E2F7: variants seen among roughly 807,000 people sequenced by gnomAD.
The protein encoded by E2F7 is transcription factor E2F7.
E2F7 carries 35 observed loss-of-function variants against 81.1 expected under a neutral mutation model. That is an observed-to-expected ratio of 0.43 (90% CI 0.33 to 0.57). The LOEUF is 0.57. E2F7 is among the 20% of genes least tolerant of loss of function. E2F7 has a pLI of 0.04. For synonymous variants in E2F7, 416 were observed against 416.2 expected, an observed-to-expected ratio of 1.00 and a Z score of 0.01; for missense variants, 961 against 1,093.7, an observed-to-expected ratio of 0.88 and a Z score of 1.71.
chr12:77,043,054 C>T lies in E2F7; in HGVS notation c.1123+11G>A, dbSNP rs371536575. On this transcript the variant is annotated intron_variant, in intron 7 of 12. Transcript: ENST00000322886. Reference sequence around the variant, plus strand: ...ATAAAACAGCCTGCTAGCAAAACCACGCCACCTTACCACTTGAGCTGAAGT... The same window carrying T: ...ATAAAACAGCCTGCTAGCAAAACCATGCCACCTTACCACTTGAGCTGAAGT... The T allele has an allele frequency of 1.6e-5, 26 of 1,613,824 alleles. No homozygotes were observed. The highest frequency in any genetic ancestry group is 3.3e-4 in the Middle Eastern group (2 of 6,080).
intron 7 of E2F7, among the ~76,000 whole-genome samples, chr12:77,034,442 T>C (rs1197129495): frequency 6.6e-6 from 1 of 152,208 alleles, no homozygotes; most frequent in Non-Finnish European, 1.5e-5. Context: ...TCAAGATTAA[T>C]TGAGATCAGC....
chr12:77,045,356 C>T (rs1954931243), intron 5 of E2F7, among the ~76,000 whole-genome samples: 2 of 152,194 alleles, frequency 1.3e-5, no homozygotes, highest in South Asian at 4.1e-4. Flanking sequence ...CCATCCCCAA[C>T]AGATGGCTGT....
chr12:77,054,104 G>T (rs1450651119), intron 3 of E2F7, among the ~76,000 whole-genome samples: 1 of 152,028 alleles, frequency 6.6e-6, no homozygotes, highest in African/African-American at 2.4e-5. Flanking sequence ...GGTGAGAATT[G>T]AAAAACTACC....
rs374359019 is a variant in E2F7 at position 77,049,988 on chromosome 12, CA to C, written c.538+587del. ...GTCTCTATTCTGAAGCAGGTGTATA[CA>C]TATTTCCAGCACACACACCCATCTC... On this transcript the variant is annotated intron_variant, in intron 4 of 12. Transcript: ENST00000322886. Among the ~76,000 whole-genome samples, 962 of 152,270 alleles carry C rather than the reference CA, an allele frequency of 6.3e-3. 19 individuals are homozygous for C. Among genetic ancestry groups the C allele is most frequent in the African/African-American group, 0.022 (897 of 41,538 alleles).
chr12:77,054,222 TAA>T (rs994930446), intron 3 of E2F7, among the ~76,000 whole-genome samples: 3 of 151,152 alleles, frequency 2.0e-5, no homozygotes, highest in African/African-American at 7.3e-5. Flanking sequence ...CCACTGAACT[TAA>T]AAGTTAGAAA....
chr12:77,046,053 G>A lies in E2F7; in HGVS notation c.814C>T (p.Pro272Ser), dbSNP rs781765077. The A allele has an allele frequency of 3.1e-6, 5 of 1,614,000 alleles. No individual in the cohort carries two copies. The African/African-American group carries it at 4.0e-5, about 13-fold the overall frequency. Residue 272 changes from proline to serine, a missense_variant, in exon 5 of 13, where the codon CCC (proline) becomes TCC (serine). Pro to Ser is a moderately conservative substitution (Grantham distance 74, BLOSUM62 -1). Around this residue, in one of 3 missense-constraint regions of E2F7, gnomAD observed 301 missense variants for 405.0 expected, o/e 0.74. Coordinates refer to ENST00000322886, the MANE Select transcript of E2F7 (RefSeq NM_203394.3). ...QEQQLLDFSE[P>S]DCPSSSANSR... The stretch of plus-strand genomic sequence containing the variant: ...ATGGACTCACAAGAGGGACAGTCGG[G>A]TTCAGAGAAATCCAGTAACTGTTGT...
At chr12:77,044,262 T>A (rs1954919999) in intron 6 of E2F7, 1 of 459,050 alleles carries the variant, frequency 2.2e-6, no homozygotes, top group Non-Finnish European at 4.4e-6. Context: ...ACAATTTTCA[T>A]CTCCACCCTT....
Position 77,030,217 on chromosome 12 carries a change from G to C in E2F7, c.1498C>G (p.Pro500Ala), listed in dbSNP as rs931695155. Residue 500 changes from proline (P) to alanine (A), a missense_variant, in exon 10 of 13, where the codon CCA (proline) becomes GCA (alanine). Coordinates refer to ENST00000322886, the MANE Select transcript of E2F7 (RefSeq NM_203394.3). ...TCCGTCTGAGCAACAGAAAATACTG[G>C]GTGGGCTAAAGGATTAACACAATAT... ...PEYCVNPLAH[P>A]VFSVAQTDLQ... is the part of the protein sequence containing the mutation. 1.2e-6 allele frequency: 2 copies of C among 1,614,118 alleles called. No homozygotes were observed. The highest frequency in any genetic ancestry group is 1.3e-5 in the African/African-American group (1 of 75,044).
intron 9 of E2F7, among the ~76,000 whole-genome samples, chr12:77,032,033 T>C (rs1042040295): frequency 2.0e-5 from 3 of 152,228 alleles, no homozygotes; most frequent in African/African-American, 4.8e-5. Flanking sequence ...TAGCGAGCCC[T>C]GCCAACTCAC....
chr12:77,035,491 T>A (rs1391860380), intron 7 of E2F7, among the ~76,000 whole-genome samples: 2 of 152,142 alleles, frequency 1.3e-5, no homozygotes, highest in Non-Finnish European at 2.9e-5. Context: ...GTTAGTGTAC[T>A]AAAAAGGGTG....
chr12:77,044,493 G>A (rs977595325), intron 6 of E2F7, 144 bp downstream of exon 6: 38 of 1,036,966 alleles, frequency 3.7e-5, no homozygotes, highest in Middle Eastern at 2.3e-4. Context: ...ACCTCTCACA[G>A]CACCAAAAAC....
chr12:77,040,491 A>G (rs935559697), intron 7 of E2F7, among the ~76,000 whole-genome samples: 2 of 152,242 alleles, frequency 1.3e-5, no homozygotes, highest in African/African-American at 4.8e-5. Flanking sequence ...GCTGTGCATG[A>G]CCACAACTGA....
At chr12:77,063,858 T>A (rs773641753) in intron 2 of E2F7, among the ~76,000 whole-genome samples, 8 of 152,216 alleles carry the variant, frequency 5.3e-5, no homozygotes, top group Non-Finnish European at 1.2e-4. Flanking sequence ...ATTCAAAGTT[T>A]CTAAAACTTG....
intron 3 of E2F7, among the ~76,000 whole-genome samples, chr12:77,055,417 A>G (rs1366126169): frequency 1.3e-5 from 2 of 151,802 alleles, no homozygotes; most frequent in African/African-American, 4.8e-5. Context: ...GGTTCCCCAC[A>G]GAACAGGTAA....
At chr12:77,044,846 A>T (rs1210155687) in intron 5 of E2F7, 51 bp from the exon 6 acceptor site, 1 of 1,588,956 alleles carries the variant, frequency 6.3e-7, no homozygotes, top group South Asian at 1.2e-5. Context: ...TTCTACAAGA[A>T]AGACTATACT....
At chr12:77,054,271 C>T (rs1955013335) in intron 3 of E2F7, among the ~76,000 whole-genome samples, 1 of 151,502 alleles carries the variant, frequency 6.6e-6, no homozygotes, top group Non-Finnish European at 1.5e-5. Flanking sequence ...TGACTTTGAT[C>T]TAATAAATCA....
chr12:77,037,440 C>CA (rs939248266), intron 7 of E2F7, among the ~76,000 whole-genome samples: 3 of 151,868 alleles, frequency 2.0e-5, no homozygotes, highest in Non-Finnish European at 4.4e-5. Flanking sequence ...AAAAAACAAA[C>CA]AAAAAAACCC....
At chr12:77,064,405 AAAG>A (rs1955101540) in intron 2 of E2F7, 135 bp downstream of exon 2, 4 of 731,870 alleles carry the variant, frequency 5.5e-6, no homozygotes, top group Non-Finnish European at 8.7e-6. Flanking sequence ...TATTTTTAAA[AAAG>A]AATGTTTCTA....
intron 4 of E2F7, among the ~76,000 whole-genome samples, chr12:77,048,820 C>A (rs1027642116): frequency 1.3e-5 from 2 of 152,258 alleles, no homozygotes; most frequent in Middle Eastern, 6.8e-3. Context: ...AGTAGGAGTC[C>A]ACTTTTCTGT....
Sources: allele counts gnomAD v4.1 joint callset (sites outside exome capture counted in the v4.1 genomes callset), GRCh38; gene constraint gnomAD v4.1.1; regional missense constraint gnomAD v4.1.1; transcripts MANE v1.5; gene names NCBI Gene and HGNC (gene_info 2026-07-23, HGNC 2026-07-21).